Variants in BNC2 observed in about 807,000 individuals in gnomAD.
The protein encoded by BNC2 is zinc finger protein basonuclin-2.
Under a neutral mutation model 76.3 loss-of-function variants are expected in BNC2, and 20 were observed. The ratio of observed to expected loss-of-function variants is 0.26; its 90% CI spans 0.18 to 0.38. The LOEUF (loss-of-function observed/expected upper bound fraction) is 0.38, where lower values mean the gene tolerates loss of function less well. BNC2 is among the 10% of genes least tolerant of loss of function. The pLI is 1.00. For missense variants in BNC2, 1,382 were observed against 1,399.8 expected, an observed-to-expected ratio of 0.99 and a Z score of 0.20; for synonymous variants, 582 against 514.8, an observed-to-expected ratio of 1.13 and a Z score of -1.77.
chr9:16,669,240 G>A (rs988331851), intron 3 of BNC2, among the ~76,000 whole-genome samples: 5 of 152,098 alleles, frequency 3.3e-5, no homozygotes, highest in Non-Finnish European at 2.9e-5. Flanking sequence ...CCAACCACAA[G>A]ATAAAAAATT....
intron 3 of BNC2, among the ~76,000 whole-genome samples, chr9:16,596,782 A>G (rs565024265): frequency 1.3e-5 from 2 of 152,278 alleles, no homozygotes; most frequent in South Asian, 4.1e-4. Flanking sequence ...TGTGAATTTC[A>G]TTACATATTC....
chr9:16,634,955 T>C (rs888738606), intron 3 of BNC2, among the ~76,000 whole-genome samples: 1 of 152,160 alleles, frequency 6.6e-6, no homozygotes, highest in Non-Finnish European at 1.5e-5. Context: ...ATGGACATTG[T>C]AGCTTGAATT....
chr9:16,827,948 T>G (rs1818491629), intron 1 of BNC2, among the ~76,000 whole-genome samples: 1 of 152,212 alleles, frequency 6.6e-6, no homozygotes. Flanking sequence ...CATAAAGTGA[T>G]CAAAGATGGC....
At chr9:16,751,023 C>T (rs1273260713) in intron 1 of BNC2, among the ~76,000 whole-genome samples, 1 of 152,164 alleles carries the variant, frequency 6.6e-6, no homozygotes, top group Admixed American at 6.5e-5. Context: ...ACTCTCAAAG[C>T]ATTCACCAAC....
At chr9:16,447,954 A>G (rs1367584768) in intron 5 of BNC2, among the ~76,000 whole-genome samples, 2 of 152,096 alleles carry the variant, frequency 1.3e-5, no homozygotes, top group Admixed American at 6.6e-5. Flanking sequence ...GAGATTCTAG[A>G]GGGTACTTAT....
At chr9:16,803,175 C>A (rs1586896589) in intron 1 of BNC2, among the ~76,000 whole-genome samples, 1 of 152,288 alleles carries the variant, frequency 6.6e-6, no homozygotes, top group African/African-American at 2.4e-5. Flanking sequence ...TCCAACAAAG[C>A]AGGAAGGCAC....
At chr9:16,445,478 G>A (rs1330812249) in intron 5 of BNC2, among the ~76,000 whole-genome samples, 2 of 151,910 alleles carry the variant, frequency 1.3e-5, no homozygotes, top group Non-Finnish European at 2.9e-5. Context: ...TGTACCAAAT[G>A]GTTCAAATTA....
intron 1 of BNC2, among the ~76,000 whole-genome samples, chr9:16,813,487 G>A (rs186613423): frequency 6.6e-6 from 1 of 151,850 alleles, no homozygotes; most frequent in African/African-American, 2.4e-5. Flanking sequence ...GGATGGACTC[G>A]ATCGCCTGAC....
chr9:16,870,562 G>A (rs559684070), intron 1 of BNC2, 84 bp downstream of exon 1: 4 of 1,520,854 alleles, frequency 2.6e-6, no homozygotes, highest in East Asian at 4.8e-5. Flanking sequence ...CACGGCCCCC[G>A]GGCGGCCCCG....
chr9:16,462,669 T>C (rs1821610546), intron 5 of BNC2, among the ~76,000 whole-genome samples: 1 of 152,140 alleles, frequency 6.6e-6, no homozygotes, highest in African/African-American at 2.4e-5. Flanking sequence ...TCTTCCACAA[T>C]GGAAATGGCG....
At chr9:16,463,518 A>C (rs113937785) in intron 5 of BNC2, among the ~76,000 whole-genome samples, 1 of 148,324 alleles carries the variant, frequency 6.7e-6, no homozygotes, top group African/African-American at 2.6e-5. Context: ...GGATGGTCTC[A>C]ATCTCCTGAC....
chr9:16,800,636 C>T (rs1230906394), intron 1 of BNC2, among the ~76,000 whole-genome samples: 4 of 151,862 alleles, frequency 2.6e-5, no homozygotes, highest in Non-Finnish European at 2.9e-5. Flanking sequence ...AAAAAGTACT[C>T]TTGTACTACT....
chr9:16,809,105 T>C (rs1817982517), intron 1 of BNC2, among the ~76,000 whole-genome samples: 1 of 152,130 alleles, frequency 6.6e-6, no homozygotes, highest in Non-Finnish European at 1.5e-5. Context: ...AATTCTAAAG[T>C]AGATCAGTTG....
In BNC2 at chr9:16,456,494, G is replaced by A. The variant is rs1209373378; in HGVS notation, c.670-18970C>T. ...TGCAGTGAGCCGAGATCACACCACT[G>A]CATTCCAGCCTGGGAGACAGAGCAA... On this transcript the variant is annotated intron_variant, in intron 5 of 6. Transcript: ENST00000380672. 2.1e-5 allele frequency among the ~76,000 whole-genome samples: 3 copies of A among 145,804 alleles called. No homozygotes were observed. The East Asian group carries it at 6.1e-4, about 30-fold the overall frequency.
intron 3 of BNC2, among the ~76,000 whole-genome samples, chr9:16,596,910 A>G (rs527602444): frequency 1.3e-5 from 2 of 152,300 alleles, no homozygotes; most frequent in East Asian, 1.9e-4. Flanking sequence ...CTCCAAAAAT[A>G]TAACAGGCTG....
intron 3 of BNC2, among the ~76,000 whole-genome samples, chr9:16,657,648 T>C (rs1821968543): frequency 1.3e-5 from 2 of 152,184 alleles, no homozygotes; most frequent in Admixed American, 1.3e-4. Context: ...AAGAGGCTTA[T>C]CGTGTATTAA....
At chr9:16,679,013 G>A (rs541099033) in intron 3 of BNC2, among the ~76,000 whole-genome samples, 3 of 152,260 alleles carry the variant, frequency 2.0e-5, no homozygotes, top group Admixed American at 6.5e-5. Flanking sequence ...AAGTGTCAGA[G>A]GCTCTCACAG....
intron 3 of BNC2, among the ~76,000 whole-genome samples, chr9:16,637,909 G>C (rs1821375002): frequency 6.6e-6 from 1 of 152,208 alleles, no homozygotes; most frequent in African/African-American, 2.4e-5. Flanking sequence ...GAAATAAACA[G>C]ATTTTAAGTG....
rs546032698 is a variant in BNC2 at position 16,865,334 on chromosome 9, A to G, written c.3+5312T>C. ...CCTTCCTTATGGAAGAATTCCTGAT[A>G]CTCATCTTATTAGAGTTTTATAGTC... On this transcript the variant is annotated intron_variant, in intron 1 of 6. Transcript: ENST00000380672. Among the ~76,000 whole-genome samples the G allele has an allele frequency of 1.4e-4, 21 of 152,210 alleles. No individual in the cohort carries two copies. The South Asian group carries it at 3.3e-3, about 24-fold the overall frequency.
Sources: gnomAD v4.1 joint callset for allele counts (sites outside exome capture counted in the v4.1 genomes callset) on GRCh38, gnomAD v4.1.1 for gene constraint, MANE v1.5 for transcripts, NCBI Gene and HGNC (gene_info 2026-07-23, HGNC 2026-07-21) for gene names.